The following ERCC2 variants were observed in gnomAD, a reference collection of about 807,000 sequenced individuals.
The protein encoded by ERCC2 is ERCC excision repair 2, TFIIH core complex helicase subunit.
A neutral mutation model predicts 99.4 loss-of-function variants in ERCC2; 90 were observed. The observed-to-expected ratio is 0.91, with a 90% confidence interval of 0.76 to 1.08. The LOEUF (loss-of-function observed/expected upper bound fraction) is 1.08. Ranked by LOEUF, ERCC2 falls within the 50% of genes least tolerant of loss-of-function variation. The pLI is 0.00. For missense variants in ERCC2, 993 were observed against 1,038.1 expected, an observed-to-expected ratio of 0.96 and a Z score of 0.60; for synonymous variants, 497 against 432.4, an observed-to-expected ratio of 1.15 and a Z score of -1.85.
rs3916843 is a variant in ERCC2, at chr19:45,358,764, T to C, written c.1238-1065A>G. 0.024 allele frequency: 18,148 copies of C among 763,204 alleles called. 2,195 individuals are homozygous for C. The African/African-American group carries it at 0.27, about 11-fold the overall frequency. 47.3% of individuals were successfully genotyped at this position (763,204 alleles called of 1,614,324 possible). On this transcript the variant is annotated intron_variant, in intron 12 of 22. Coordinates refer to ENST00000391945, the MANE Select transcript of ERCC2 (RefSeq NM_000400.4). ...TATTCCAACACAACAATGTATTTTT[T>C]TTCATGATAACTGTCACTTTCTGGA...
Position 45,351,402 on chromosome 19 carries a change from G to A in ERCC2, c.*227C>T. 1.2e-6 allele frequency: 2 copies of A among 1,602,242 alleles called. No homozygotes were observed. Among genetic ancestry groups the A allele is most frequent in the Admixed American group, 1.7e-5 (1 of 59,868 alleles). ...GCCGCAGCTTCTTGGGAACAGTGCA[G>A]GAGGGATGGGCTGGTGGGGTGAGAG... On this transcript the variant is annotated 3_prime_UTR_variant, in exon 23 of 23. Coordinates refer to ENST00000391945, the MANE Select transcript of ERCC2 (RefSeq NM_000400.4).
rs1248180119 is a variant in ERCC2, at chr19:45,351,088, G to A, written c.*541C>T. ...GGTGCAGAGATGAGGCAAAGGCAGG[G>A]CGGTCGGGCCAGTGGTGGAGTCAGC... On this transcript the variant is annotated 3_prime_UTR_variant, in exon 23 of 23. Coordinates refer to ENST00000391945, the MANE Select transcript of ERCC2 (RefSeq NM_000400.4). The A allele has an allele frequency of 6.2e-7, 1 of 1,612,374 alleles. No individual in the cohort carries two copies. The highest frequency in any genetic ancestry group is 8.5e-7 in the Non-Finnish European group (1 of 1,179,266).
chr19:45,352,980 G>C (rs1351021259), intron 19 of ERCC2, 103 bp downstream of exon 19: 2 of 1,346,080 alleles, frequency 1.5e-6, no homozygotes, highest in East Asian at 2.3e-5. Context: ...TGTGCACCTA[G>C]GCTGGGGGTG....
intron 12 of ERCC2, chr19:45,358,125 A>G (rs1326593638): frequency 1.4e-5 from 4 of 277,020 alleles, no homozygotes; most frequent in African/African-American, 2.2e-5. Context: ...GGCTCACTGC[A>G]AGCTCAGCCT....
Position 45,351,231 on chromosome 19 carries a change from G to A in ERCC2, c.*398C>T. On this transcript the variant is annotated 3_prime_UTR_variant, in exon 23 of 23. Transcript: ENST00000391945. ...AGGCTGGACCTGGAGCTGGAGGGTG[G>A]ATGTAACACTTGCCCCTCACCTCCC... 9 of 1,590,042 alleles carry A rather than the reference G, an allele frequency of 5.7e-6. No homozygotes were observed. Among genetic ancestry groups the A allele is most frequent in the Non-Finnish European group, 7.7e-6 (9 of 1,168,036 alleles).
intron 11 of ERCC2, among the ~76,000 whole-genome samples, chr19:45,362,224 C>T (rs1452761603): frequency 6.6e-6 from 1 of 152,142 alleles, no homozygotes; most frequent in Non-Finnish European, 1.5e-5. Context: ...GCACCTGGCC[C>T]TAAGTGGGTT....
chr19:45,370,335 C>T (rs1972565420), intron 1 of ERCC2, 103 bp from the exon 2 acceptor site: 1 of 1,543,552 alleles, frequency 6.5e-7, no homozygotes, highest in African/African-American at 1.4e-5. Context: ...GGCCCGGCGC[C>T]CCCGGTAACC....
At chr19:45,370,043 C>A in intron 2 of ERCC2, 90 bp downstream of exon 2, 1 of 1,277,590 alleles carries the variant, frequency 7.8e-7, no homozygotes, top group Non-Finnish European at 1.1e-6. Context: ...CCTCGGACTT[C>A]TAAAATCCAG....
At chr19:45,357,765 A>G (rs1972063644) in intron 12 of ERCC2, 66 bp from the exon 13 acceptor site, 3 of 1,424,470 alleles carry the variant, frequency 2.1e-6, no homozygotes, top group South Asian at 1.2e-5. Flanking sequence ...CCACTCAGTC[A>G]TTCCCTCTCC....
At position 45,354,712 on chromosome 19, in the gene ERCC2, G is replaced by C. The variant is rs763829068; in HGVS notation, c.1665+18C>G. On this transcript the variant is annotated intron_variant, in intron 17 of 22. Coordinates refer to ENST00000391945, the MANE Select transcript of ERCC2 (RefSeq NM_000400.4). ...GGACTGAGGAGAGCAGGTGCAGGGA[G>C]GGGGTGGCCAGGCGTACCTGCTCAT... The C allele has an allele frequency of 2.5e-6, 4 of 1,613,130 alleles. No individual in the cohort carries two copies. Among genetic ancestry groups the C allele is most frequent in the Non-Finnish European group, 3.4e-6 (4 of 1,179,534 alleles).
chr19:45,364,564 C>G lies in ERCC2; in HGVS notation c.595-17G>C, dbSNP rs757876263. On this transcript the variant is annotated splice_polypyrimidine_tract_variant and intron_variant, in intron 7 of 22. Coordinates refer to ENST00000391945, the MANE Select transcript of ERCC2 (RefSeq NM_000400.4). ...ATGCAGGATCTGGGGGGCCGGGGAG[C>G]AGGGTTACCAGGGCCCTGCCACCCC... 19 of 1,611,320 alleles carry G rather than the reference C, an allele frequency of 1.2e-5. No homozygotes were observed. The highest frequency in any genetic ancestry group is 1.5e-5 in the Non-Finnish European group (18 of 1,179,936).
rs577987254 is a variant in ERCC2 at position 45,361,731 on chromosome 19, C to T, written c.1119-89G>A. On this transcript the variant is annotated intron_variant, in intron 11 of 22. Transcript: ENST00000391945. ...CCTCCGCCATCACGACGGTCACGTG[C>T]CTGTCTCCCCAGCCAATGAGCACTC... 172 of 994,016 alleles carry T rather than the reference C, an allele frequency of 1.7e-4. No homozygotes were observed. In the East Asian group the frequency reaches 3.6e-3, roughly 21 times the overall value. 61.6% of individuals were successfully genotyped at this position (994,016 alleles called of 1,614,324 possible). A position where few individuals can be genotyped will look rare whatever the true frequency, so the allele number is the denominator to read the frequency against.
chr19:45,354,384 T>C (rs1971940053), intron 17 of ERCC2, among the ~76,000 whole-genome samples: 1 of 152,324 alleles, frequency 6.6e-6, no homozygotes, highest in East Asian at 1.9e-4. Flanking sequence ...ACGCCTGCTA[T>C]CTGGGCCTCC....
rs774936846 is a variant in ERCC2 at position 45,353,157 on chromosome 19, T to C, written c.1759-2A>G. On this transcript the variant is annotated splice_acceptor_variant, in intron 18 of 22. Coordinates refer to ENST00000391945, the MANE Select transcript of ERCC2 (RefSeq NM_000400.4). LOFTEE classifies it high-confidence loss of function. ...GGCCCCGCGGCCATTCTCGCAGGCC[T>C]GAGGTGGGGAGACCGAGACGCAAGT... is the stretch of plus-strand genomic sequence containing the variant. 8.7e-6 allele frequency: 14 copies of C among 1,613,700 alleles called. No homozygotes were observed. The highest frequency in any genetic ancestry group is 8.5e-7 in the Non-Finnish European group (1 of 1,179,908).
chr19:45,355,218 G>A (rs923255420), intron 16 of ERCC2, among the ~76,000 whole-genome samples: 6 of 152,208 alleles, frequency 3.9e-5, no homozygotes, highest in East Asian at 1.9e-4. Flanking sequence ...TTAGCCCAGC[G>A]TGGCGGCAGA....
At chr19:45,363,958 T>TC (rs1568541837) in intron 10 of ERCC2, 28 bp downstream of exon 10, 5 of 1,531,908 alleles carry the variant, frequency 3.3e-6, no homozygotes, top group South Asian at 1.2e-5. Flanking sequence ...GGAAAGGGAC[T>TC]GGGGGGCAGC....
At chr19:45,358,673 A>G in intron 12 of ERCC2, 4 of 636,034 alleles carry the variant, frequency 6.3e-6, no homozygotes, top group South Asian at 1.7e-5. Flanking sequence ...CCATTTGGTC[A>G]TCTGAGACTG....
chr19:45,351,493 G>T lies in ERCC2; in HGVS notation c.*136C>A, dbSNP rs149943175. The T allele has an allele frequency of 3.1e-6, 5 of 1,591,812 alleles. No homozygotes were observed. Among genetic ancestry groups the T allele is most frequent in the Non-Finnish European group, 4.3e-6 (5 of 1,173,626 alleles). On this transcript the variant is annotated 3_prime_UTR_variant, in exon 23 of 23. Coordinates refer to ENST00000391945, the MANE Select transcript of ERCC2 (RefSeq NM_000400.4). Reference sequence around the variant, plus strand: ...CTGGTGGATAGCTGCCTTCTCCTGCGATTAAAGGCTGTGGACGTGACAGTG... The same window carrying T: ...CTGGTGGATAGCTGCCTTCTCCTGCTATTAAAGGCTGTGGACGTGACAGTG...
intron 19 of ERCC2, 63 bp from the exon 20 acceptor site, chr19:45,352,879 C>T: frequency 6.7e-7 from 1 of 1,503,510 alleles, no homozygotes; most frequent in African/African-American, 1.4e-5. Context: ...CAGGGACAGC[C>T]TCACGCGACC....
Sources: allele counts gnomAD v4.1 joint callset (sites outside exome capture counted in the v4.1 genomes callset), GRCh38; gene constraint gnomAD v4.1.1; transcripts MANE v1.5; gene names NCBI Gene and HGNC (gene_info 2026-07-23, HGNC 2026-07-21).